DCLK3: variants seen among roughly 807,000 people sequenced by gnomAD.
The protein encoded by DCLK3 is doublecortin like kinase 3, also known as serine/threonine-protein kinase DCLK3.
DCLK3 carries 30 observed loss-of-function variants against 46.4 expected under a neutral mutation model. That is an observed-to-expected ratio of 0.65 (90% CI 0.48 to 0.88). The LOEUF (loss-of-function observed/expected upper bound fraction) is 0.88, where lower values mean the gene tolerates loss of function less well. Among genes scored for constraint, DCLK3 ranks in the 40% least tolerant of loss-of-function variants. The pLI, the probability that DCLK3 is intolerant of heterozygous loss-of-function variation, is 0.00. For missense variants in DCLK3, 846 were observed against 907.1 expected (o/e 0.93, Z 0.87); for synonymous variants, 401 against 339.2 (o/e 1.18, Z -2.00).
At chr3:36,723,167 G>A (rs756467273) in intron 2 of DCLK3, among the ~76,000 whole-genome samples, 14 of 152,172 alleles carry the variant, frequency 9.2e-5, no homozygotes, top group Non-Finnish European at 1.5e-4. Context: ...AGAGACTGGT[G>A]GCATTTTGCC....
In DCLK3 at chr3:36,756,449, G is replaced by T. The variant is rs180750122; in HGVS notation, c.82+7733C>A. On this transcript the variant is annotated intron_variant, in intron 1 of 4. Coordinates refer to ENST00000636136, the MANE Select transcript of DCLK3 (RefSeq NM_001394672.2). ...AACCACCAGAACAGGAAAGATGTGT[G>T]CTCAGGGACCATGGACAGGGACTGA... Among the ~76,000 whole-genome samples, 8 of 152,286 alleles carry T rather than the reference G, an allele frequency of 5.3e-5. No individual in the cohort carries two copies. The East Asian group carries it at 1.5e-3, about 29-fold the overall frequency.
At chr3:36,746,664 A>G (rs1200061773) in intron 1 of DCLK3, among the ~76,000 whole-genome samples, 2 of 152,158 alleles carry the variant, frequency 1.3e-5, no homozygotes, top group Non-Finnish European at 2.9e-5. Flanking sequence ...TACCCTACAG[A>G]CACCCCATGA....
chr3:36,730,867 G>A (rs183500919), intron 2 of DCLK3, among the ~76,000 whole-genome samples: 2 of 152,100 alleles, frequency 1.3e-5, no homozygotes, highest in South Asian at 2.1e-4. Flanking sequence ...GATGTGAGGA[G>A]CAAGTTTTCA....
chr3:36,744,058 A>G (rs1273758281), intron 1 of DCLK3, among the ~76,000 whole-genome samples: 1 of 152,248 alleles, frequency 6.6e-6, no homozygotes, highest in Non-Finnish European at 1.5e-5. Flanking sequence ...CATCTCAGCT[A>G]ATTGTTACTT....
chr3:36,751,080 A>C (rs1701437530), intron 1 of DCLK3, among the ~76,000 whole-genome samples: 2 of 151,398 alleles, frequency 1.3e-5, no homozygotes, highest in African/African-American at 4.8e-5. Context: ...AAAAAAAAAA[A>C]AAAAAACTCC....
chr3:36,717,101 T>C (rs1173588562), intron 4 of DCLK3, among the ~76,000 whole-genome samples: 1 of 152,164 alleles, frequency 6.6e-6, no homozygotes, highest in Non-Finnish European at 1.5e-5. Context: ...AACAAAATGT[T>C]ATCACTCCTA....
At chr3:36,718,950 A>C (rs950140093) in intron 3 of DCLK3, among the ~76,000 whole-genome samples, 8 of 152,206 alleles carry the variant, frequency 5.3e-5, no homozygotes, top group African/African-American at 1.7e-4. Flanking sequence ...TTATTTACTG[A>C]ATATTATACA....
At chr3:36,748,535 G>A (rs1383024961) in intron 1 of DCLK3, among the ~76,000 whole-genome samples, 4 of 152,130 alleles carry the variant, frequency 2.6e-5, no homozygotes, top group Admixed American at 1.3e-4. Flanking sequence ...CAGGAGGGCC[G>A]CAGGGGCAGG....
chr3:36,757,325 T>A (rs1701494893), intron 1 of DCLK3, among the ~76,000 whole-genome samples: 4 of 152,124 alleles, frequency 2.6e-5, no homozygotes, highest in Admixed American at 2.6e-4. Context: ...ATTTTCAGTA[T>A]CTCCATCCAA....
chr3:36,731,451 G>GCACAAACACACACACA (rs1701197368), intron 2 of DCLK3, among the ~76,000 whole-genome samples: 4 of 148,572 alleles, frequency 2.7e-5, no homozygotes, highest in Non-Finnish European at 1.5e-5. Flanking sequence ...CTTCGTGCGT[G>GCACAAACACACACACA]CACACACACA....
intron 2 of DCLK3, among the ~76,000 whole-genome samples, chr3:36,736,528 G>A (rs1163898877): frequency 6.6e-6 from 1 of 152,098 alleles, no homozygotes; most frequent in Non-Finnish European, 1.5e-5. Context: ...CTGAGATAAG[G>A]GTGTCAGGCC....
intron 1 of DCLK3, among the ~76,000 whole-genome samples, chr3:36,747,386 T>C (rs1701402574): frequency 6.6e-6 from 1 of 151,830 alleles, no homozygotes; most frequent in Admixed American, 6.6e-5. Context: ...GATAAACTTG[T>C]AGAAGTAATA....
Position 36,737,746 on chromosome 3 carries a change from A to G in DCLK3, c.1421T>C (p.Met474Thr). 2 of 1,614,106 alleles carry G rather than the reference A, an allele frequency of 1.2e-6. No homozygotes were observed. Among genetic ancestry groups the G allele is most frequent in the Admixed American group, 1.7e-5 (1 of 60,024 alleles). The change falls in exon 2 of 5, where the codon ATG becomes ACG. Residue 474 changes from methionine to threonine, a missense_variant. Transcript: ENST00000636136. This position sits in a 1 kb window ranked among gnomAD's most constrained non-coding sequence, Gnocchi z 4.4. The stretch of plus-strand genomic sequence containing the variant: ...GAGAGTCATCCTTCTGCCTCCAGAC[A>G]TACATGGCTTTTTCTCCTTCTCTGC... ...KEAEKEKKPC[M>T]SGGRRMTLRD...
Position 36,721,526 on chromosome 3 carries a change from C to A in DCLK3, c.2092+1G>T. 1 of 1,614,036 alleles carries A rather than the reference C, an allele frequency of 6.2e-7. No homozygotes were observed. The highest frequency in any genetic ancestry group is 1.1e-5 in the South Asian group (1 of 91,036). On this transcript the variant is annotated splice_donor_variant, in intron 3 of 4. Coordinates refer to ENST00000636136, the MANE Select transcript of DCLK3 (RefSeq NM_001394672.2). LOFTEE classifies it high-confidence loss of function. ...CCCACAGATCGATGTGTAACACTTA[C>A]CTTTCTCAGAAAGAATTTCGGGAGC...
At chr3:36,763,166 A>G (rs976948089) in intron 1 of DCLK3, among the ~76,000 whole-genome samples, 5 of 152,252 alleles carry the variant, frequency 3.3e-5, no homozygotes, top group Admixed American at 6.5e-5. Flanking sequence ...ATGACAGCCA[A>G]TGATGAAGGT....
rs538947833 is a variant in DCLK3 at position 36,718,758 on chromosome 3, C to T, written c.2093-581G>A. ...TCACTTAAAAAATATCATTTACTGG[C>T]TTTTTAAATGATTTTTAAAAGACTG... On this transcript the variant is annotated intron_variant, in intron 3 of 4. Coordinates refer to ENST00000636136, the MANE Select transcript of DCLK3 (RefSeq NM_001394672.2). 2.4e-4 allele frequency among the ~76,000 whole-genome samples: 37 copies of T among 152,210 alleles called. No homozygotes were observed. In the South Asian group the frequency reaches 7.3e-3, roughly 30 times the overall value.
At chr3:36,732,966 G>A (rs1019930972) in intron 2 of DCLK3, among the ~76,000 whole-genome samples, 1 of 152,168 alleles carries the variant, frequency 6.6e-6, no homozygotes, top group Admixed American at 6.5e-5. Context: ...ATGGTAAAGG[G>A]AGAATGAGCA....
At chr3:36,761,954 A>G (rs1701543990) in intron 1 of DCLK3, among the ~76,000 whole-genome samples, 1 of 152,116 alleles carries the variant, frequency 6.6e-6, no homozygotes, top group South Asian at 2.1e-4. Flanking sequence ...ATATTCAAAT[A>G]TTTAGGGGAA....
Position 36,737,814 on chromosome 3 carries a change from C to T in DCLK3, c.1353G>A (p.Ala451=), listed in dbSNP as rs757477583. ...GGGTCCTGCGGAGCTTCTCAAAGCC[C>T]GCCTGGTGCTCTCTCAGGAGCCAGC... ...HGGWLLREHQ[A]GFEKLRRTRG... Residue 451 remains alanine (A), a synonymous_variant, in exon 2 of 5, where the codon GCG becomes GCA. Coordinates refer to ENST00000636136, the MANE Select transcript of DCLK3 (RefSeq NM_001394672.2). This position sits in a 1 kb window ranked among gnomAD's most constrained non-coding sequence, Gnocchi z 4.4. The T allele has an allele frequency of 1.1e-5, 17 of 1,613,990 alleles. No individual in the cohort carries two copies. The highest frequency in any genetic ancestry group is 9.9e-5 in the South Asian group (9 of 91,084).
Sources: allele counts gnomAD v4.1 joint callset (sites outside exome capture counted in the v4.1 genomes callset), GRCh38; gene constraint gnomAD v4.1.1; non-coding constraint Gnocchi (gnomAD v3.1); transcripts MANE v1.5; gene names NCBI Gene and HGNC (gene_info 2026-07-23, HGNC 2026-07-21).